LRFN5: variants seen among roughly 807,000 people sequenced by gnomAD.
LRFN5 encodes leucine rich repeat and fibronectin type III domain containing 5, also known as leucine-rich repeat and fibronectin type-III domain-containing protein 5.
A neutral mutation model predicts 45.6 loss-of-function variants in LRFN5; 24 were observed. The observed-to-expected ratio is 0.53, with a 90% CI of 0.38 to 0.74. The LOEUF (loss-of-function observed/expected upper bound fraction) is 0.74. LRFN5 is among the 30% of genes least tolerant of loss of function. The pLI, the probability that LRFN5 is intolerant of heterozygous loss-of-function variation, is 0.00. For synonymous variants in LRFN5, 340 were observed against 313.8 expected (o/e 1.08, Z -0.88); for missense variants, 776 against 861.5 (o/e 0.90, Z 1.24).
intron 1 of LRFN5, among the ~76,000 whole-genome samples, chr14:41,764,489 A>G (rs1885798163): frequency 6.6e-6 from 1 of 152,116 alleles, no homozygotes; most frequent in Non-Finnish European, 1.5e-5. Context: ...TTCTCTGGGA[A>G]ATTATAATTT....
At chr14:41,674,200 G>T (rs1157913453) in intron 1 of LRFN5, among the ~76,000 whole-genome samples, 46 of 139,096 alleles carry the variant, frequency 3.3e-4, no homozygotes, top group Non-Finnish European at 5.2e-4. Flanking sequence ...CCGGGCGGGG[G>T]GCTGACCCCC....
At chr14:41,642,604 A>C (rs894084343) in intron 1 of LRFN5, among the ~76,000 whole-genome samples, 1 of 152,192 alleles carries the variant, frequency 6.6e-6, no homozygotes, top group South Asian at 2.1e-4. Flanking sequence ...GACATGGATT[A>C]TCATGAAGAA....
At chr14:41,613,196 A>G (rs1566588140) in intron 1 of LRFN5, among the ~76,000 whole-genome samples, 2 of 152,100 alleles carry the variant, frequency 1.3e-5, no homozygotes, top group African/African-American at 4.8e-5. Context: ...TTTAAGTTAC[A>G]TGGTCATATT....
At chr14:41,705,515 A>G (rs1883027213) in intron 1 of LRFN5, among the ~76,000 whole-genome samples, 1 of 152,214 alleles carries the variant, frequency 6.6e-6, no homozygotes, top group African/African-American at 2.4e-5. Context: ...ATATGCACAT[A>G]TACATAAGCA....
intron 1 of LRFN5, among the ~76,000 whole-genome samples, chr14:41,637,329 C>G (rs1252619649): frequency 6.6e-6 from 1 of 151,996 alleles, no homozygotes; most frequent in African/African-American, 2.4e-5. Flanking sequence ...TTGGTATGTT[C>G]AAATATATCA....
chr14:41,615,183 G>A (rs970754123), intron 1 of LRFN5, among the ~76,000 whole-genome samples: 1 of 152,012 alleles, frequency 6.6e-6, no homozygotes, highest in African/African-American at 2.4e-5. Context: ...TGGTCATCTT[G>A]ACTAAGCTTG....
At chr14:41,862,866 T>C (rs1038372876) in intron 2 of LRFN5, among the ~76,000 whole-genome samples, 269 of 141,892 alleles carry the variant, frequency 1.9e-3, no homozygotes, top group African/African-American at 6.9e-3. Flanking sequence ...TCTCTCTTTT[T>C]TTTTTTTTTT....
intron 2 of LRFN5, among the ~76,000 whole-genome samples, chr14:41,828,240 A>G (rs1888362502): frequency 6.6e-6 from 1 of 152,046 alleles, no homozygotes; most frequent in Admixed American, 6.6e-5. Flanking sequence ...ACTTCTTCTT[A>G]AGTTATTGCT....
intron 1 of LRFN5, among the ~76,000 whole-genome samples, chr14:41,674,227 C>G (rs1284324632): frequency 1.6e-5 from 2 of 123,894 alleles, no homozygotes; most frequent in Admixed American, 7.7e-5. Context: ...CCCTCCCGGA[C>G]GGGGCGGCTG....
intron 1 of LRFN5, among the ~76,000 whole-genome samples, chr14:41,764,417 G>C (rs969477021): frequency 6.6e-6 from 1 of 152,026 alleles, no homozygotes; most frequent in Non-Finnish European, 1.5e-5. Flanking sequence ...TTAATAAAAG[G>C]TATGATTACA....
In LRFN5 at chr14:41,667,234, C is replaced by T. The variant is rs532643124; in HGVS notation, c.-197+58672C>T. ...ATGTAGGCTATCACTCTGCTTTGTT[C>T]TTTCCTCACGCTACATTCCTGAATT... On this transcript the variant is annotated intron_variant, in intron 1 of 5. Coordinates refer to ENST00000298119, the MANE Select transcript of LRFN5 (RefSeq NM_152447.5). 3.9e-5 allele frequency among the ~76,000 whole-genome samples: 6 copies of T among 152,250 alleles called. No individual in the cohort carries two copies. In the South Asian group the frequency reaches 1.2e-3, roughly 32 times the overall value.
intron 2 of LRFN5, among the ~76,000 whole-genome samples, chr14:41,855,655 ACTAAGGAAACT>A (rs1486990528): frequency 6.6e-6 from 1 of 152,190 alleles, no homozygotes; most frequent in African/African-American, 2.4e-5. Context: ...GTTCTTGCCT[ACTAAGGAAACT>A]CTTGATGACT....
chr14:41,671,202 A>G (rs1315663664), intron 1 of LRFN5, among the ~76,000 whole-genome samples: 1 of 152,156 alleles, frequency 6.6e-6, no homozygotes, highest in Non-Finnish European at 1.5e-5. Context: ...GGCATTTTAT[A>G]GTTTAAAAAG....
chr14:41,898,801 A>G, intron 4 of LRFN5, 116 bp from the exon 5 acceptor site: 4 of 962,364 alleles, frequency 4.2e-6, no homozygotes, highest in Non-Finnish European at 4.7e-6. Context: ...AAATCTTTAG[A>G]TAAATCTTTG....
Position 41,610,563 on chromosome 14 carries a change from T to C in LRFN5, c.-197+2001T>C, listed in dbSNP as rs527464758. Among the ~76,000 whole-genome samples, 12 of 150,216 alleles carry C rather than the reference T, an allele frequency of 8.0e-5. No homozygotes were observed. The South Asian group carries it at 2.5e-3, about 31-fold the overall frequency. ...ACATGATTTCCACTCTTCAGATAGA[T>C]TTGCTTTGTAACTTCTAGCTCCAGG... On this transcript the variant is annotated intron_variant, in intron 1 of 5. Transcript: ENST00000298119.
At chr14:41,648,790 A>G (rs1159711932) in intron 1 of LRFN5, among the ~76,000 whole-genome samples, 1 of 152,068 alleles carries the variant, frequency 6.6e-6, no homozygotes, top group Non-Finnish European at 1.5e-5. Flanking sequence ...TTGGAACATA[A>G]TGAAATAATT....
intron 1 of LRFN5, among the ~76,000 whole-genome samples, chr14:41,715,486 T>C (rs558045907): frequency 1.3e-4 from 20 of 152,338 alleles, no homozygotes; most frequent in African/African-American, 4.6e-4. Context: ...TTATGTGGTA[T>C]CTCACCTTAA....
intron 1 of LRFN5, among the ~76,000 whole-genome samples, chr14:41,615,962 A>G (rs1264863101): frequency 6.6e-6 from 1 of 152,052 alleles, no homozygotes; most frequent in Non-Finnish European, 1.5e-5. Context: ...TACACACTTT[A>G]AGTTTACCTC....
At chr14:41,651,022 C>T (rs988587318) in intron 1 of LRFN5, among the ~76,000 whole-genome samples, 20 of 151,816 alleles carry the variant, frequency 1.3e-4, no homozygotes, top group Admixed American at 9.9e-4. Flanking sequence ...TCATTTTCTT[C>T]CTTGTGTTTT....
Sources: allele counts gnomAD v4.1 joint callset (sites outside exome capture counted in the v4.1 genomes callset), GRCh38; gene constraint gnomAD v4.1.1; transcripts MANE v1.5; gene names NCBI Gene and HGNC (gene_info 2026-07-23, HGNC 2026-07-21).